KIAA1549L: variants seen among roughly 807,000 people sequenced by gnomAD.
The protein encoded by KIAA1549L is UPF0606 protein KIAA1549L.
In KIAA1549L, 88 loss-of-function variants were observed where a neutral mutation model predicts 160.7. That is an observed-to-expected ratio of 0.55 (90% CI 0.46 to 0.65). KIAA1549L has a LOEUF of 0.65. KIAA1549L is among the 30% of genes least tolerant of loss of function. The pLI, the probability that KIAA1549L is intolerant of heterozygous loss-of-function variation, is 0.00. For missense variants in KIAA1549L, 2,258 were observed against 2,437.5 expected, an observed-to-expected ratio of 0.93 and a Z score of 1.55; for synonymous variants, 950 against 976.7, an observed-to-expected ratio of 0.97 and a Z score of 0.51.
intron 1 of KIAA1549L, among the ~76,000 whole-genome samples, chr11:33,492,926 G>A (rs1406530264): frequency 4.0e-5 from 6 of 151,780 alleles, no homozygotes; most frequent in Non-Finnish European, 8.8e-5. Flanking sequence ...GAGGGGGAGT[G>A]ATACAGCTTG....
At chr11:33,661,117 T>TC (rs1852247330) in intron 20 of KIAA1549L, 103 bp downstream of exon 20, 2 of 1,151,878 alleles carry the variant, frequency 1.7e-6, no homozygotes, top group Admixed American at 4.6e-5. Flanking sequence ...TATCTCAGCC[T>TC]CCTCACAGTA....
At chr11:33,522,184 T>TA (rs1231729849) in intron 1 of KIAA1549L, among the ~76,000 whole-genome samples, 2 of 152,226 alleles carry the variant, frequency 1.3e-5, no homozygotes, top group Non-Finnish European at 2.9e-5. Context: ...AATTATTACT[T>TA]AAATATTTTC....
chr11:33,671,460 C>T lies in KIAA1549L; in HGVS notation c.*3306C>T, dbSNP rs1200645510. 6.6e-6 allele frequency: 1 copy of T among 151,990 alleles called. No homozygotes were observed. Among genetic ancestry groups the T allele is most frequent in the Non-Finnish European group, 1.5e-5 (1 of 68,022 alleles). 9.4% of individuals were successfully genotyped at this position (151,990 alleles called of 1,614,324 possible). ...CTTTCAGGGTAGATTATGTAAGAAT[C>T]AATTCCCTGGTCCCAGGAGAAGTTT... On this transcript the variant is annotated 3_prime_UTR_variant, in exon 21 of 21. Coordinates refer to ENST00000658780, the MANE Select transcript of KIAA1549L (RefSeq NM_012194.3).
intron 16 of KIAA1549L, among the ~76,000 whole-genome samples, chr11:33,636,284 C>T (rs550552557): frequency 3.3e-5 from 5 of 150,396 alleles, no homozygotes; most frequent in African/African-American, 1.2e-4. Context: ...AAGTTGCTGA[C>T]TTAGTAAGGA....
At chr11:33,418,032 G>C (rs1057086775) in intron 1 of KIAA1549L, among the ~76,000 whole-genome samples, 1 of 152,156 alleles carries the variant, frequency 6.6e-6, no homozygotes, top group Non-Finnish European at 1.5e-5. Flanking sequence ...GTCCACCTCA[G>C]CCTCCCAAAG....
chr11:33,379,994 A>G (rs1850041412), intron 1 of KIAA1549L, among the ~76,000 whole-genome samples: 1 of 152,190 alleles, frequency 6.6e-6, no homozygotes, highest in Non-Finnish European at 1.5e-5. Context: ...ATGAGGGAAT[A>G]GTTAATTCTG....
chr11:33,470,595 A>G (rs80117933), intron 1 of KIAA1549L, among the ~76,000 whole-genome samples: 3,983 of 151,860 alleles, frequency 0.026, 114 homozygotes, highest in East Asian at 0.14. Context: ...CACGCAGCTA[A>G]TATTTTTGTG....
At chr11:33,594,189 T>C (rs1167853716) in intron 12 of KIAA1549L, among the ~76,000 whole-genome samples, 3 of 152,178 alleles carry the variant, frequency 2.0e-5, no homozygotes, top group Admixed American at 6.5e-5. Flanking sequence ...TCTTGGTACC[T>C]CAGGAAGAGG....
chr11:33,382,889 A>G (rs1185644854), intron 1 of KIAA1549L, among the ~76,000 whole-genome samples: 3 of 152,140 alleles, frequency 2.0e-5, no homozygotes, highest in Admixed American at 6.5e-5. Context: ...GGGATACTGC[A>G]GCATTTGGGG....
At chr11:33,406,497 CCT>C (rs1246723727) in intron 1 of KIAA1549L, among the ~76,000 whole-genome samples, 1 of 152,366 alleles carries the variant, frequency 6.6e-6, no homozygotes, top group African/African-American at 2.4e-5. Flanking sequence ...CCTATCATCT[CCT>C]CTCTTAGGGA....
chr11:33,627,722 CT>C (rs1200832772), intron 16 of KIAA1549L, among the ~76,000 whole-genome samples: 1 of 151,984 alleles, frequency 6.6e-6, no homozygotes, highest in Admixed American at 6.6e-5. Flanking sequence ...TTTGTTGATC[CT>C]TTCAAAAAAC....
At chr11:33,647,435 A>G (rs1851756900) in intron 17 of KIAA1549L, among the ~76,000 whole-genome samples, 1 of 152,034 alleles carries the variant, frequency 6.6e-6, no homozygotes, top group Non-Finnish European at 1.5e-5. Flanking sequence ...TAGCAATTAC[A>G]TTTCCATATT....
At chr11:33,628,068 G>C (rs1202476640) in intron 16 of KIAA1549L, among the ~76,000 whole-genome samples, 2 of 152,060 alleles carry the variant, frequency 1.3e-5, no homozygotes, top group Non-Finnish European at 2.9e-5. Context: ...GGAGCAGGTT[G>C]TTCAGTTTCC....
At chr11:33,448,083 A>T (rs189606346) in intron 1 of KIAA1549L, among the ~76,000 whole-genome samples, 17 of 152,284 alleles carry the variant, frequency 1.1e-4, no homozygotes, top group African/African-American at 2.6e-4. Context: ...TATTATTTTT[A>T]AAAAATTTTA....
At chr11:33,446,150 A>G (rs1333787070) in intron 1 of KIAA1549L, among the ~76,000 whole-genome samples, 1 of 147,736 alleles carries the variant, frequency 6.8e-6, no homozygotes, top group African/African-American at 2.5e-5. Flanking sequence ...GCTGGAATGC[A>G]GTGGTGCCGT....
At chr11:33,532,588 G>A (rs1483853711) in intron 1 of KIAA1549L, among the ~76,000 whole-genome samples, 1 of 152,222 alleles carries the variant, frequency 6.6e-6, no homozygotes, top group Non-Finnish European at 1.5e-5. Flanking sequence ...TACTCAGTTA[G>A]CAAATGGAGA....
chr11:33,539,271 A>G (rs547360225), intron 1 of KIAA1549L, among the ~76,000 whole-genome samples: 2 of 152,230 alleles, frequency 1.3e-5, no homozygotes, highest in Non-Finnish European at 2.9e-5. Context: ...TAATTAAACC[A>G]TCCAATATCC....
intron 8 of KIAA1549L, among the ~76,000 whole-genome samples, chr11:33,566,714 G>C (rs1855060717): frequency 6.6e-6 from 1 of 152,198 alleles, no homozygotes; most frequent in Non-Finnish European, 1.5e-5. Flanking sequence ...TATGGAATGT[G>C]ATGATTAGCG....
At chr11:33,588,089 C>A (rs942481714) in intron 11 of KIAA1549L, among the ~76,000 whole-genome samples, 1 of 152,208 alleles carries the variant, frequency 6.6e-6, no homozygotes, top group Non-Finnish European at 1.5e-5. Context: ...GTTGCTTCAT[C>A]TGTAAACTGG....
Sources: allele counts gnomAD v4.1 joint callset (sites outside exome capture counted in the v4.1 genomes callset), GRCh38; gene constraint gnomAD v4.1.1; transcripts MANE v1.5; gene names NCBI Gene and HGNC (gene_info 2026-07-23, HGNC 2026-07-21).